Variants in ZNF565 observed in about 807,000 individuals in gnomAD.
ZNF565 encodes zinc finger protein 565.
A neutral mutation model predicts 39.4 loss-of-function variants in ZNF565; 27 were observed. The observed-to-expected ratio is 0.69, with a 90% CI of 0.51 to 0.95. ZNF565 has a LOEUF of 0.95. Among genes scored for constraint, ZNF565 ranks in the 40% least tolerant of loss-of-function variants. ZNF565 has a pLI of 0.00. For synonymous variants in ZNF565, 185 were observed against 216.6 expected (o/e 0.85, Z 1.28); for missense variants, 524 against 621.1 (o/e 0.84, Z 1.66).
At position 36,183,030 on chromosome 19, in the gene ZNF565, G is replaced by A. The variant is rs776028955; in HGVS notation, c.936C>T (p.Cys312=). 5.0e-6 allele frequency: 8 copies of A among 1,613,974 alleles called. No homozygotes were observed. The highest frequency in any genetic ancestry group is 1.1e-5 in the South Asian group (1 of 91,066). ...GTGAGTGCTGTCTAAAGGCTTTCCC[G>A]CATTCTTTACACTCATAGGGTCTGG... ...TGARPYECKE[C]GKAFRQHSQL... The change falls in exon 5 of 5, where the codon TGC becomes TGT. Residue 312 remains cysteine, a synonymous_variant. Transcript: ENST00000304116.
upstream of ZNF565, chr19:36,214,743 C>T (rs567877851): frequency 1.3e-5 from 2 of 152,400 alleles, no homozygotes; most frequent in South Asian, 2.1e-4. Context: ...GCTAGATCGG[C>T]CACGGACAGA....
chr19:36,208,805 C>T (rs1976248072), intron 1 of ZNF565, among the ~76,000 whole-genome samples: 1 of 152,078 alleles, frequency 6.6e-6, no homozygotes, highest in Admixed American at 6.6e-5. Flanking sequence ...TGAGTAAAAA[C>T]TCTAACAAAA....
intron 1 of ZNF565, among the ~76,000 whole-genome samples, chr19:36,235,308 T>G (rs2145464959): frequency 6.6e-6 from 1 of 152,346 alleles, no homozygotes; most frequent in South Asian, 2.1e-4. Context: ...TTGGCAATTC[T>G]TCATTATTTG....
chr19:36,207,311 A>G (rs1353972112), intron 1 of ZNF565, among the ~76,000 whole-genome samples: 1 of 152,196 alleles, frequency 6.6e-6, no homozygotes, highest in Non-Finnish European at 1.5e-5. Context: ...TGGAAGATCA[A>G]GGTGGGCGGA....
At chr19:36,204,052 C>G (rs769346587) in intron 1 of ZNF565, among the ~76,000 whole-genome samples, 1 of 150,556 alleles carries the variant, frequency 6.6e-6, no homozygotes, top group African/African-American at 2.5e-5. Flanking sequence ...CATACTCAAG[C>G]GATCCTTCCA....
rs1183687482 is a variant in ZNF565 at position 36,182,311 on chromosome 19, TTTAA to T, written c.*151_*154del. On this transcript the variant is annotated 3_prime_UTR_variant, in exon 5 of 5. Transcript: ENST00000304116. ...GAGGCAAAAAGAATTCCCACATTTA[TTTAA>T]TTTTCTTTGGGTGTGAGTTTTCTGA... The T allele has an allele frequency of 5.6e-6, 3 of 539,200 alleles. No homozygotes were observed. The highest frequency in any genetic ancestry group is 1.9e-5 in the African/African-American group (1 of 52,826). The allele number at this position is 539,200 out of a possible 1,614,324, so 33.4% of individuals were successfully genotyped here.
chr19:36,230,852 A>G (rs1480974846), intron 1 of ZNF565, among the ~76,000 whole-genome samples: 1 of 152,070 alleles, frequency 6.6e-6, no homozygotes, highest in Non-Finnish European at 1.5e-5. Context: ...CCCAGGCTGG[A>G]GTACAGTGGT....
At position 36,182,475 on chromosome 19, in the gene ZNF565, A is replaced by G; in HGVS notation, c.1491T>C (p.His497=). The G allele has an allele frequency of 3.2e-6, 5 of 1,563,290 alleles. No homozygotes were observed. Among genetic ancestry groups the G allele is most frequent in the Non-Finnish European group, 4.3e-6 (5 of 1,155,824 alleles). ...GSQLIEHYRI[H]TG ...TTACACTCAAGGCTTTCTAACCAGT[A>G]TGAATTCTGTAGTGTTCAATGAGTT... is the stretch of plus-strand genomic sequence containing the variant. The change falls in exon 5 of 5, where the codon CAT becomes CAC. Residue 497 remains histidine, a synonymous_variant. Transcript: ENST00000304116.
At chr19:36,240,175 T>A (rs1977774222) in intron 1 of ZNF565, among the ~76,000 whole-genome samples, 1 of 152,230 alleles carries the variant, frequency 6.6e-6, no homozygotes, top group African/African-American at 2.4e-5. Context: ...GGAAAGTGTT[T>A]AAAATATACA....
intron 1 of ZNF565, among the ~76,000 whole-genome samples, chr19:36,221,927 C>CTTTTTTTTTTT (rs60347994): frequency 9.3e-4 from 102 of 109,834 alleles, no homozygotes; most frequent in African/African-American, 1.1e-3. Flanking sequence ...TTTTTTCTTT[C>CTTTTTTTTTTT]TTTTTTTTTT....
chr19:36,187,875 T>C (rs910884196), intron 4 of ZNF565, among the ~76,000 whole-genome samples: 2 of 150,512 alleles, frequency 1.3e-5, no homozygotes, highest in Non-Finnish European at 3.0e-5. Context: ...CCTGACCTCA[T>C]GATCTGCCCA....
At chr19:36,184,775 A>G (rs1477999239) in intron 4 of ZNF565, among the ~76,000 whole-genome samples, 1 of 152,178 alleles carries the variant, frequency 6.6e-6, no homozygotes, top group Non-Finnish European at 1.5e-5. Flanking sequence ...CATCAAAATG[A>G]AAATCTCTGC....
In ZNF565 at chr19:36,183,329, G is replaced by C; in HGVS notation, c.637C>G (p.His213Asp). 6.2e-7 allele frequency: 1 copy of C among 1,614,152 alleles called. No individual in the cohort carries two copies. The highest frequency in any genetic ancestry group is 8.5e-7 in the Non-Finnish European group (1 of 1,180,018). ...AFSRASHLVQ[H>D]QRIHTGEKPY... is the part of the protein sequence containing the mutation. ...TTCTCACCCGTGTGAATTCTCTGAT[G>C]CTGAACAAGGTGTGAGGCACGGCTG... Residue 213 changes from histidine (H) to aspartate (D), a missense_variant, in exon 5 of 5, where the codon CAT (histidine) becomes GAT (aspartate). By Grantham distance (81) the His-to-Asp change is moderately conservative. Transcript: ENST00000304116.
intron 1 of ZNF565, chr19:36,236,182 G>C (rs1977637852): frequency 2.6e-6 from 1 of 386,002 alleles, no homozygotes; most frequent in South Asian, 5.3e-5. Flanking sequence ...GAAAATTCAT[G>C]CTGGAGAGAA....
upstream of ZNF565, among the ~76,000 whole-genome samples, chr19:36,218,625 C>T (rs1976712063): frequency 6.6e-6 from 1 of 151,794 alleles, no homozygotes. Context: ...GCCACCACGC[C>T]TGGCTAATTT....
intron 1 of ZNF565, among the ~76,000 whole-genome samples, chr19:36,220,290 T>G (rs1976776477): frequency 6.6e-6 from 1 of 152,110 alleles, no homozygotes; most frequent in South Asian, 2.1e-4. Flanking sequence ...TGAGTCCATA[T>G]TCGTATTTCT....
intron 1 of ZNF565, among the ~76,000 whole-genome samples, chr19:36,211,449 T>A (rs866825564): frequency 0.021 from 2,846 of 137,780 alleles, 78 homozygotes; most frequent in East Asian, 0.097. Flanking sequence ...CAACTCTCTC[T>A]CACACACACA....
intron 1 of ZNF565, among the ~76,000 whole-genome samples, chr19:36,243,800 C>G (rs1977837083): frequency 6.6e-6 from 1 of 151,748 alleles, no homozygotes; most frequent in South Asian, 2.1e-4. Context: ...CCCTTGGGCT[C>G]AAGTGATTCT....
At position 36,182,804 on chromosome 19, in the gene ZNF565, C is replaced by CATAGG; in HGVS notation, c.1161_1162insCCTAT (p.Asp388ProfsTer49). ...CAGTCCTTACATTCATAGGGTCTGT[C>CATAGG]GCCAGTATGGACTCTCTGATGTCGT... On this transcript the variant is annotated frameshift_variant, in exon 5 of 5. Transcript: ENST00000304116. LOFTEE classifies it high-confidence loss of function. 1 of 1,614,124 alleles carries CATAGG rather than the reference C, an allele frequency of 6.2e-7. No homozygotes were observed. Among genetic ancestry groups the CATAGG allele is most frequent in the African/African-American group, 1.3e-5 (1 of 75,022 alleles).
Sources: gnomAD v4.1 joint callset for allele counts (sites outside exome capture counted in the v4.1 genomes callset) on GRCh38, gnomAD v4.1.1 for gene constraint, MANE v1.5 for transcripts, NCBI Gene and HGNC (gene_info 2026-07-23, HGNC 2026-07-21) for gene names.